AMPH: variants seen among roughly 807,000 people sequenced by gnomAD.
AMPH encodes the protein amphiphysin (Stiff-Mann syndrome with breast cancer 128kD autoantigen).
A neutral mutation model predicts 99.1 loss-of-function variants in AMPH; 49 were observed. The observed-to-expected ratio is 0.49, with a 90% CI of 0.39 to 0.63. AMPH has a LOEUF of 0.63. AMPH is among the 20% of genes least tolerant of loss of function. The pLI, the probability that AMPH is intolerant of heterozygous loss-of-function variation, is 0.00. For synonymous variants in AMPH, 314 were observed against 317.3 expected (o/e 0.99, Z 0.11); for missense variants, 759 against 863.4 (o/e 0.88, Z 1.52).
At chr7:38,399,430 G>C (rs1784780619) in intron 17 of AMPH, among the ~76,000 whole-genome samples, 1 of 152,160 alleles carries the variant, frequency 6.6e-6, no homozygotes. Context: ...CTGACCGCAA[G>C]AATAGAACAA....
chr7:38,540,174 G>A (rs536683312), intron 1 of AMPH, among the ~76,000 whole-genome samples: 1 of 152,154 alleles, frequency 6.6e-6, no homozygotes, highest in African/African-American at 2.4e-5. Flanking sequence ...TCAGTGCCTC[G>A]TGCATTTTGG....
At chr7:38,420,819 A>C (rs1462052806) in intron 16 of AMPH, 1 of 358,844 alleles carries the variant, frequency 2.8e-6, no homozygotes, top group Non-Finnish European at 5.6e-6. Context: ...TTACTGATTC[A>C]AAAGGGTTTA....
intron 11 of AMPH, among the ~76,000 whole-genome samples, chr7:38,457,062 A>G (rs1210525917): frequency 6.6e-6 from 1 of 152,216 alleles, no homozygotes; most frequent in East Asian, 1.9e-4. Context: ...AAAATGTCCG[A>G]CCCAACCAAC....
At chr7:38,598,336 TGCAGTGGCATGATCTCAGC>T (rs1245461059) in intron 1 of AMPH, among the ~76,000 whole-genome samples, 1 of 152,114 alleles carries the variant, frequency 6.6e-6, no homozygotes, top group African/African-American at 2.4e-5. Flanking sequence ...TGGACTGGAG[TGCAGTGGCATGATCTCAGC>T]GCAGTGGCAT....
At chr7:38,550,869 A>G (rs117883459) in intron 1 of AMPH, among the ~76,000 whole-genome samples, 12,644 of 152,288 alleles carry the variant, frequency 0.083, 719 homozygotes, top group Middle Eastern at 0.19. Flanking sequence ...GCAAATCTCC[A>G]CAGGAAGTGG....
chr7:38,402,447 T>C (rs1419114056), intron 17 of AMPH, among the ~76,000 whole-genome samples: 2 of 152,228 alleles, frequency 1.3e-5, no homozygotes, highest in African/African-American at 2.4e-5. Context: ...TCAGGAGAAA[T>C]CTCTATAGGC....
chr7:38,556,736 C>T (rs759724349), intron 1 of AMPH, among the ~76,000 whole-genome samples: 3 of 152,260 alleles, frequency 2.0e-5, no homozygotes, highest in East Asian at 1.9e-4. Context: ...TATCTGTTTC[C>T]CAATTCCACT....
chr7:38,535,650 G>A (rs1156756698), intron 1 of AMPH, among the ~76,000 whole-genome samples: 1 of 152,152 alleles, frequency 6.6e-6, no homozygotes, highest in Admixed American at 6.5e-5. Context: ...CCCTGAGCTT[G>A]TTTTCTTGCA....
At chr7:38,450,898 T>C (rs936415231) in intron 11 of AMPH, among the ~76,000 whole-genome samples, 4 of 151,892 alleles carry the variant, frequency 2.6e-5, no homozygotes, top group Non-Finnish European at 5.9e-5. Context: ...ACTTTCTTTT[T>C]TTTTTTTTTG....
At chr7:38,518,029 CA>C (rs971048654) in intron 2 of AMPH, among the ~76,000 whole-genome samples, 1 of 152,154 alleles carries the variant, frequency 6.6e-6, no homozygotes, top group African/African-American at 2.4e-5. Flanking sequence ...CCAGGACAAC[CA>C]AGGGACTCTG....
chr7:38,447,611 C>T (rs931114944), intron 11 of AMPH, among the ~76,000 whole-genome samples: 3 of 152,076 alleles, frequency 2.0e-5, no homozygotes, highest in Non-Finnish European at 2.9e-5. Flanking sequence ...AGAGCACACA[C>T]ACAACACATT....
intron 2 of AMPH, among the ~76,000 whole-genome samples, chr7:38,520,294 T>C (rs568852765): frequency 6.6e-6 from 1 of 152,336 alleles, no homozygotes; most frequent in Non-Finnish European, 1.5e-5. Context: ...CCTCTTAATA[T>C]AGTGATGACT....
intron 18 of AMPH, among the ~76,000 whole-genome samples, chr7:38,393,185 C>T (rs1051644511): frequency 6.6e-6 from 1 of 152,166 alleles, no homozygotes; most frequent in African/African-American, 2.4e-5. Context: ...AGTTCCTTCT[C>T]CCATAACACT....
intron 3 of AMPH, 90 bp downstream of exon 3, chr7:38,503,560 G>T: frequency 1.5e-6 from 2 of 1,361,600 alleles, no homozygotes; most frequent in Non-Finnish European, 2.1e-6. Flanking sequence ...AAGCCAAATG[G>T]CTTTGTAATT....
chr7:38,613,006 G>A (rs745544219), intron 1 of AMPH, among the ~76,000 whole-genome samples: 3 of 151,832 alleles, frequency 2.0e-5, no homozygotes, highest in Non-Finnish European at 4.4e-5. Flanking sequence ...ACTACATACC[G>A]TGCCAGTACT....
At chr7:38,608,446 C>CT (rs1385016131) in intron 1 of AMPH, among the ~76,000 whole-genome samples, 2 of 152,118 alleles carry the variant, frequency 1.3e-5, no homozygotes, top group Non-Finnish European at 2.9e-5. Flanking sequence ...CTTCTTCCAC[C>CT]TTTTTTCACT....
At chr7:38,543,248 C>T (rs1001689232) in intron 1 of AMPH, among the ~76,000 whole-genome samples, 6 of 151,930 alleles carry the variant, frequency 3.9e-5, no homozygotes, top group African/African-American at 1.5e-4. Context: ...GAGATCAAGA[C>T]CCTATCTCAA....
At chr7:38,386,858 A>G (rs895273686) in intron 20 of AMPH, among the ~76,000 whole-genome samples, 1 of 152,222 alleles carries the variant, frequency 6.6e-6, no homozygotes, top group Non-Finnish European at 1.5e-5. Flanking sequence ...GGTGAGATCT[A>G]TGCTGATACA....
intron 11 of AMPH, among the ~76,000 whole-genome samples, chr7:38,441,803 T>TATCTGATATATATC: frequency 1.6e-5 from 1 of 64,326 alleles, no homozygotes; most frequent in African/African-American, 6.8e-5. Flanking sequence ...ATATATCATA[T>TATCTGATATATATC]ATATATCATA....
Sources: allele counts gnomAD v4.1 joint callset (sites outside exome capture counted in the v4.1 genomes callset), GRCh38; gene constraint gnomAD v4.1.1; transcripts MANE v1.5; gene names NCBI Gene and HGNC (gene_info 2026-07-23, HGNC 2026-07-21).